GRIP1: variants seen among roughly 807,000 people sequenced by gnomAD.
The protein encoded by GRIP1 is glutamate receptor-interacting protein 1.
In GRIP1, 45 loss-of-function variants were observed where a neutral mutation model predicts 129.9. That is an observed-to-expected ratio of 0.35 (90% confidence interval 0.27 to 0.44). The LOEUF is 0.44. GRIP1 is among the 20% of genes least tolerant of loss of function. The pLI, the probability that GRIP1 is intolerant of heterozygous loss-of-function variation, is 1.00. For synonymous variants in GRIP1, 530 were observed against 520.8 expected (o/e 1.02, Z -0.24); for missense variants, 1,196 against 1,396.8 (o/e 0.86, Z 2.29).
chr12:66,723,310 T>TCC (rs1565988183), intron 1 of GRIP1, among the ~76,000 whole-genome samples: 1 of 41,638 alleles, frequency 2.4e-5, no homozygotes, highest in African/African-American at 9.7e-5. Context: ...CTTTCTTTTT[T>TCC]TTTTTTTTTT....
intron 1 of GRIP1, among the ~76,000 whole-genome samples, chr12:66,819,332 T>C (rs2039279051): frequency 2.0e-5 from 3 of 152,234 alleles, no homozygotes; most frequent in Non-Finnish European, 4.4e-5. Flanking sequence ...GTAGTTATGT[T>C]GAACTGTAAT....
At chr12:66,700,435 T>A (rs1487491394) in intron 1 of GRIP1, among the ~76,000 whole-genome samples, 1 of 151,560 alleles carries the variant, frequency 6.6e-6, no homozygotes, top group Non-Finnish European at 1.5e-5. Context: ...TGGCAGCTTT[T>A]TTTTTTTTTT....
At chr12:66,963,729 A>G (rs575939364) in intron 1 of GRIP1, among the ~76,000 whole-genome samples, 15 of 152,016 alleles carry the variant, frequency 9.9e-5, no homozygotes, top group African/African-American at 3.6e-4. Flanking sequence ...AACACCATCC[A>G]TTTCTACAGC....
intron 1 of GRIP1, among the ~76,000 whole-genome samples, chr12:66,924,655 A>AT (rs991237448): frequency 1.3e-5 from 2 of 152,194 alleles, no homozygotes; most frequent in Admixed American, 1.3e-4. Context: ...TGCCTCACTC[A>AT]TAAGAGAAGC....
At chr12:66,796,926 G>A (rs947427159) in intron 1 of GRIP1, among the ~76,000 whole-genome samples, 1 of 152,066 alleles carries the variant, frequency 6.6e-6, no homozygotes, top group Non-Finnish European at 1.5e-5. Context: ...GTCTTCAAAG[G>A]TTTGGATATC....
At chr12:66,674,959 A>G (rs2034256770) in intron 1 of GRIP1, among the ~76,000 whole-genome samples, 1 of 152,150 alleles carries the variant, frequency 6.6e-6, no homozygotes, top group African/African-American at 2.4e-5. Context: ...TCTCACTTAG[A>G]CACCCCATTG....
intron 15 of GRIP1, among the ~76,000 whole-genome samples, chr12:66,420,415 G>GTTTTT (rs71096102): frequency 3.9e-5 from 5 of 127,888 alleles, no homozygotes; most frequent in South Asian, 2.5e-4. Context: ...TACTTTCAGG[G>GTTTTT]TTTTTTTTTT....
At chr12:67,013,486 C>T (rs1291499168) in intron 1 of GRIP1, among the ~76,000 whole-genome samples, 1 of 152,134 alleles carries the variant, frequency 6.6e-6, no homozygotes, top group Non-Finnish European at 1.5e-5. Context: ...CATTTGGCCT[C>T]ATCTATCTAG....
chr12:66,624,109 T>C (rs967449541), intron 1 of GRIP1, among the ~76,000 whole-genome samples: 7 of 152,196 alleles, frequency 4.6e-5, no homozygotes, highest in East Asian at 1.9e-4. Context: ...AGTCAGTATC[T>C]TTCCCACCTA....
At chr12:66,354,658 A>G (rs751635291) in intron 23 of GRIP1, among the ~76,000 whole-genome samples, 12 of 152,354 alleles carry the variant, frequency 7.9e-5, no homozygotes, top group Non-Finnish European at 1.8e-4. Flanking sequence ...TACACAACTA[A>G]TGCATGAATA....
intron 1 of GRIP1, among the ~76,000 whole-genome samples, chr12:66,643,125 G>C (rs10784571): frequency 7.9e-5 from 12 of 152,066 alleles, no homozygotes; most frequent in Non-Finnish European, 1.5e-4. Flanking sequence ...TGAGATTATG[G>C]GGAAATAAGG....
At chr12:66,673,261 T>A (rs866170774) in intron 1 of GRIP1, among the ~76,000 whole-genome samples, 1 of 152,226 alleles carries the variant, frequency 6.6e-6, no homozygotes, top group African/African-American at 2.4e-5. Flanking sequence ...AGTTAGTACA[T>A]GTAAAATGTT....
chr12:66,963,782 C>T (rs2041956966), intron 1 of GRIP1, among the ~76,000 whole-genome samples: 1 of 152,132 alleles, frequency 6.6e-6, no homozygotes, highest in Admixed American at 6.6e-5. Flanking sequence ...TAGACAGCCC[C>T]CTCTCAGTCA....
At chr12:66,943,988 T>G (rs2041628249) in intron 1 of GRIP1, among the ~76,000 whole-genome samples, 2 of 152,162 alleles carry the variant, frequency 1.3e-5, no homozygotes. Context: ...CTCTAATCTT[T>G]CACCGATGTC....
chr12:66,981,100 C>T (rs144504682), intron 1 of GRIP1, among the ~76,000 whole-genome samples: 5 of 152,228 alleles, frequency 3.3e-5, no homozygotes, highest in African/African-American at 1.2e-4. Context: ...GTTAACCAAG[C>T]ACTTAAGCAA....
chr12:66,636,443 A>G (rs1249421207), intron 1 of GRIP1, among the ~76,000 whole-genome samples: 1 of 152,182 alleles, frequency 6.6e-6, no homozygotes, highest in Admixed American at 6.5e-5. Context: ...CCACAATGAG[A>G]TATCATTTTA....
At chr12:66,624,818 A>T (rs1326864755) in intron 1 of GRIP1, among the ~76,000 whole-genome samples, 4 of 152,198 alleles carry the variant, frequency 2.6e-5, no homozygotes, top group Non-Finnish European at 1.5e-5. Flanking sequence ...ATTTAGCACG[A>T]GCAACATTTC....
chr12:66,506,268 T>C (rs1592448607), intron 7 of GRIP1, among the ~76,000 whole-genome samples: 1 of 152,038 alleles, frequency 6.6e-6, no homozygotes, highest in Non-Finnish European at 1.5e-5. Context: ...TTTATAGGAG[T>C]GGCAAGCTGA....
rs374900271 is a variant in GRIP1, at chr12:66,958,605, T to C, written c.58+110445A>G. Among the ~76,000 whole-genome samples the C allele has an allele frequency of 5.8e-4, 88 of 152,306 alleles. 2 individuals are homozygous for C. In the South Asian group the frequency reaches 7.0e-3, roughly 12 times the overall value. ...CTAGGTATATTCTACATTTTTGACCTAACAATCTAGCATAAATAGATCTTC... is the reference window on the plus strand; with the variant it reads ...CTAGGTATATTCTACATTTTTGACCCAACAATCTAGCATAAATAGATCTTC... On this transcript the variant is annotated intron_variant, in intron 1 of 1. Transcript: ENST00000643019.
Sources: gnomAD v4.1 joint callset for allele counts (sites outside exome capture counted in the v4.1 genomes callset) on GRCh38, gnomAD v4.1.1 for gene constraint, MANE v1.5 for transcripts, NCBI Gene and HGNC (gene_info 2026-07-23, HGNC 2026-07-21) for gene names.